The following NRXN3 variants were observed in gnomAD, a reference collection of about 807,000 sequenced individuals.
NRXN3 encodes neurexin 3.
NRXN3 carries 32 observed loss-of-function variants against 137.6 expected under a neutral mutation model. That is an observed-to-expected ratio of 0.23 (90% CI 0.18 to 0.31). NRXN3 has a LOEUF of 0.31. NRXN3 is among the 10% of genes least tolerant of loss of function. The pLI, the probability that NRXN3 is intolerant of heterozygous loss-of-function variation, is 1.00. For synonymous variants in NRXN3, 798 were observed against 784.5 expected (o/e 1.02, Z -0.29); for missense variants, 1,574 against 2,062.5 (o/e 0.76, Z 4.59).
chr14:79,336,974 C>G (rs1169198315), intron 15 of NRXN3, among the ~76,000 whole-genome samples: 1 of 152,164 alleles, frequency 6.6e-6, no homozygotes, highest in Admixed American at 6.6e-5. Flanking sequence ...ATGACCTTGG[C>G]CACATACTTT....
intron 15 of NRXN3, among the ~76,000 whole-genome samples, chr14:79,291,275 T>G (rs563135663): frequency 1.3e-5 from 2 of 152,330 alleles, no homozygotes; most frequent in Admixed American, 6.5e-5. Flanking sequence ...TGATCACTTT[T>G]TATTATGCCT....
intron 4 of NRXN3, among the ~76,000 whole-genome samples, chr14:78,484,027 C>CAGAGAG (rs144035954): frequency 1.4e-4 from 19 of 137,180 alleles, no homozygotes; most frequent in East Asian, 6.7e-4. Flanking sequence ...CACACACACA[C>CAGAGAG]AGAGAGAGAG....
chr14:79,125,246 C>A (rs755073011), intron 15 of NRXN3, among the ~76,000 whole-genome samples: 4 of 152,180 alleles, frequency 2.6e-5, no homozygotes, highest in Non-Finnish European at 4.4e-5. Flanking sequence ...CACGTTCTAT[C>A]ATAATGTCCT....
intron 4 of NRXN3, among the ~76,000 whole-genome samples, chr14:78,615,205 C>T (rs1445889278): frequency 6.6e-6 from 1 of 152,108 alleles, no homozygotes; most frequent in Admixed American, 6.5e-5. Context: ...TCACTATAGT[C>T]TCACTATAGG....
chr14:79,010,548 G>A (rs2099569238), intron 15 of NRXN3, among the ~76,000 whole-genome samples: 2 of 152,076 alleles, frequency 1.3e-5, no homozygotes, highest in Admixed American at 6.6e-5. Flanking sequence ...AGGGTATATC[G>A]ATCCTAGTGG....
In NRXN3 at chr14:79,274,791, A is replaced by G. The variant is rs895492351; in HGVS notation, c.3263-192430A>G. On this transcript the variant is annotated intron_variant, in intron 15 of 20. Coordinates refer to ENST00000335750, the MANE Select transcript of NRXN3 (RefSeq NM_001330195.2). ...ATTATTCAAACTCAAGAGATTAAAA[A>G]TATTTTTTTTCCAACATCCAAACTC... Among the ~76,000 whole-genome samples, 6 of 152,214 alleles carry G rather than the reference A, an allele frequency of 3.9e-5. No individual in the cohort carries two copies. In the South Asian group the frequency reaches 1.2e-3, roughly 31 times the overall value.
intron 1 of NRXN3, among the ~76,000 whole-genome samples, chr14:78,193,309 C>T (rs2060913478): frequency 6.6e-6 from 1 of 152,132 alleles, no homozygotes. Context: ...TAAAGTCACA[C>T]AGCAGGTTGG....
intron 15 of NRXN3, among the ~76,000 whole-genome samples, chr14:79,417,843 C>A (rs577989696): frequency 1.3e-5 from 2 of 152,122 alleles, no homozygotes; most frequent in Admixed American, 6.6e-5. Context: ...AGATGATATG[C>A]CAGACAGGGC....
intron 20 of NRXN3, among the ~76,000 whole-genome samples, chr14:79,823,445 G>A (rs1481244917): frequency 2.0e-5 from 3 of 152,046 alleles, no homozygotes; most frequent in South Asian, 2.1e-4. Flanking sequence ...GCATGGTGGC[G>A]CATGCCTATA....
chr14:79,034,784 T>C (rs1161360863), intron 15 of NRXN3, among the ~76,000 whole-genome samples: 1 of 152,138 alleles, frequency 6.6e-6, no homozygotes, highest in Non-Finnish European at 1.5e-5. Flanking sequence ...TACGTGATTA[T>C]TAGAAGTGAC....
intron 4 of NRXN3, among the ~76,000 whole-genome samples, chr14:78,304,419 G>T (rs2077163838): frequency 6.6e-6 from 1 of 152,194 alleles, no homozygotes; most frequent in Admixed American, 6.5e-5. Context: ...ACTGAGCAGG[G>T]TGGGTAGGCT....
chr14:78,906,012 ATAAAAT>A (rs1267076762), intron 10 of NRXN3, among the ~76,000 whole-genome samples: 1 of 152,044 alleles, frequency 6.6e-6, no homozygotes, highest in Non-Finnish European at 1.5e-5. Context: ...GAATGGCTAA[ATAAAAT>A]TAAAAACACA....
intron 15 of NRXN3, among the ~76,000 whole-genome samples, chr14:79,008,305 T>C (rs1342047467): frequency 6.6e-6 from 1 of 152,190 alleles, no homozygotes; most frequent in African/African-American, 2.4e-5. Context: ...CAGAAAATGT[T>C]AAACATCCTT....
At chr14:79,415,584 G>A (rs953688627) in intron 15 of NRXN3, among the ~76,000 whole-genome samples, 1 of 152,124 alleles carries the variant, frequency 6.6e-6, no homozygotes, top group African/African-American at 2.4e-5. Context: ...TTACTCAAAA[G>A]AGGGATTGCT....
chr14:78,691,319 C>T (rs2098168548), intron 6 of NRXN3, among the ~76,000 whole-genome samples: 1 of 152,138 alleles, frequency 6.6e-6, no homozygotes, highest in African/African-American at 2.4e-5. Flanking sequence ...TAAAAATTCT[C>T]TCCTATATCA....
chr14:79,290,620 A>G (rs1399163441), intron 15 of NRXN3, among the ~76,000 whole-genome samples: 1 of 151,830 alleles, frequency 6.6e-6, no homozygotes, highest in East Asian at 1.9e-4. Context: ...AGCAAGAGGA[A>G]CTAAAGAGAT....
intron 10 of NRXN3, among the ~76,000 whole-genome samples, chr14:78,852,409 G>C (rs1469263418): frequency 6.6e-6 from 1 of 152,140 alleles, no homozygotes; most frequent in East Asian, 1.9e-4. Flanking sequence ...ATGAGTCTAA[G>C]TGGACATTTG....
chr14:79,155,605 A>T (rs1342699863), intron 15 of NRXN3, among the ~76,000 whole-genome samples: 1 of 151,872 alleles, frequency 6.6e-6, no homozygotes, highest in Non-Finnish European at 1.5e-5. Flanking sequence ...ATAAATAAAA[A>T]TAATTGTAAA....
At chr14:78,235,022 A>ATATATATATATATATATG (rs1367992560) in intron 1 of NRXN3, among the ~76,000 whole-genome samples, 3 of 58,084 alleles carry the variant, frequency 5.2e-5, no homozygotes, top group Non-Finnish European at 1.1e-4. Context: ...ATATATATAT[A>ATATATATATATATATATG]TGTGTATATA....
Sources: gnomAD v4.1 joint callset for allele counts (sites outside exome capture counted in the v4.1 genomes callset) on GRCh38, gnomAD v4.1.1 for gene constraint, MANE v1.5 for transcripts, NCBI Gene and HGNC (gene_info 2026-07-23, HGNC 2026-07-21) for gene names.